Variants in CDH23 observed in about 807,000 individuals in gnomAD.
CDH23 encodes the protein cadherin related 23.
A neutral mutation model predicts 317.1 loss-of-function variants in CDH23; 189 were observed. The ratio of observed to expected loss-of-function variants is 0.60; its 90% CI spans 0.53 to 0.67. CDH23 has a LOEUF of 0.67. Ranked by LOEUF, CDH23 falls within the 30% of genes least tolerant of loss-of-function variation. The probability of loss-of-function intolerance (pLI) is 0.00; values close to 1 mark genes in which losing one functional copy is unlikely to be tolerated. For missense variants in CDH23, 4,401 were observed against 4,592.4 expected (o/e 0.96, Z 1.20); for synonymous variants, 1,839 against 1,876.8 (o/e 0.98, Z 0.52).
At chr10:71,708,191 G>A (rs1333859230) in intron 26 of CDH23, among the ~76,000 whole-genome samples, 1 of 152,182 alleles carries the variant, frequency 6.6e-6, no homozygotes, top group East Asian at 1.9e-4. Flanking sequence ...AGGTTTGGGG[G>A]TCAGGAGGCT....
chr10:71,792,820 T>TAAAAAAAA (rs1158593304), intron 47 of CDH23, among the ~76,000 whole-genome samples: 1 of 47,924 alleles, frequency 2.1e-5, no homozygotes, highest in Non-Finnish European at 3.6e-5. Flanking sequence ...AGACTCCATC[T>TAAAAAAAA]AAAAAAAAAA....
intron 3 of CDH23, among the ~76,000 whole-genome samples, chr10:71,478,457 C>A (rs1214603092): frequency 2.0e-5 from 3 of 152,236 alleles, no homozygotes; most frequent in African/African-American, 7.2e-5. Flanking sequence ...TCCTGCACTG[C>A]CATGGCCCCT....
At chr10:71,593,309 C>G (rs150006884) in intron 9 of CDH23, among the ~76,000 whole-genome samples, 108 of 152,274 alleles carry the variant, frequency 7.1e-4, no homozygotes, top group African/African-American at 2.5e-3. Flanking sequence ...CCCTACCATA[C>G]ACCATATACC....
chr10:71,577,823 C>A, intron 8 of CDH23, 91 bp from the exon 9 acceptor site: 1 of 1,129,350 alleles, frequency 8.9e-7, no homozygotes, highest in Non-Finnish European at 1.3e-6. Flanking sequence ...CAGGATCAGC[C>A]TGGGGAGGGA....
At chr10:71,629,851 C>T (rs1413442678) in intron 11 of CDH23, among the ~76,000 whole-genome samples, 1 of 151,950 alleles carries the variant, frequency 6.6e-6, no homozygotes, top group East Asian at 1.9e-4. Context: ...TTAATGGGCA[C>T]AAAGCTTCAT....
intron 3 of CDH23, among the ~76,000 whole-genome samples, chr10:71,454,472 G>A (rs1388584848): frequency 6.6e-6 from 1 of 152,200 alleles, no homozygotes; most frequent in Admixed American, 6.5e-5. Flanking sequence ...GGCTGCTGGA[G>A]GCTCTTGGAA....
intron 14 of CDH23, among the ~76,000 whole-genome samples, chr10:71,670,013 T>A (rs1350627049): frequency 2.0e-5 from 3 of 151,860 alleles, no homozygotes; most frequent in East Asian, 1.9e-4. Flanking sequence ...AAAAAAAATT[T>A]ACTAAATATG....
rs536362221 is a variant in CDH23, at chr10:71,532,692, C to A, written c.429+21480C>A. Among the ~76,000 whole-genome samples, 11 of 146,132 alleles carry A rather than the reference C, an allele frequency of 7.5e-5. No individual in the cohort carries two copies. The East Asian group carries it at 2.2e-3, about 29-fold the overall frequency. ...TGAGTAGGATTAAGTTTGATGTTGG[C>A]AAGTTTTCTTTTGTTTTTGTTTTTT... is the stretch of plus-strand genomic sequence containing the variant. On this transcript the variant is annotated intron_variant, in intron 6 of 69. Coordinates refer to ENST00000224721, the MANE Select transcript of CDH23 (RefSeq NM_022124.6).
chr10:71,540,930 C>A (rs1411660650), intron 6 of CDH23, among the ~76,000 whole-genome samples: 1 of 151,942 alleles, frequency 6.6e-6, no homozygotes, highest in Non-Finnish European at 1.5e-5. Context: ...CCAGTTTCCA[C>A]CCCAAAGTCT....
intron 1 of CDH23, among the ~76,000 whole-genome samples, chr10:71,399,543 GTGTT>G (rs1439291823): frequency 6.6e-6 from 1 of 152,218 alleles, no homozygotes; most frequent in African/African-American, 2.4e-5. Flanking sequence ...TGCCACAAGA[GTGTT>G]TGTGTTTTAG....
At chr10:71,616,220 G>T (rs550320454) in intron 10 of CDH23, among the ~76,000 whole-genome samples, 1 of 152,222 alleles carries the variant, frequency 6.6e-6, no homozygotes, top group East Asian at 1.9e-4. Flanking sequence ...TCTGAGCCAC[G>T]GGGGGTCTTC....
intron 3 of CDH23, among the ~76,000 whole-genome samples, chr10:71,496,634 G>A (rs1852987806): frequency 6.6e-6 from 1 of 152,236 alleles, no homozygotes. Flanking sequence ...GACAAGTGTG[G>A]GAACTGCTGA....
At chr10:71,795,173 C>T (rs1841365474) in intron 48 of CDH23, among the ~76,000 whole-genome samples, 1 of 151,934 alleles carries the variant, frequency 6.6e-6, no homozygotes, top group South Asian at 2.1e-4. Flanking sequence ...ACAATGACTG[C>T]CTGAGGGGAG....
At chr10:71,691,490 CG>C (rs1171076182) in intron 20 of CDH23, among the ~76,000 whole-genome samples, 1 of 152,116 alleles carries the variant, frequency 6.6e-6, no homozygotes, top group Non-Finnish European at 1.5e-5. Flanking sequence ...AAGGAACTGT[CG>C]ATGCTAAACA....
intron 14 of CDH23, among the ~76,000 whole-genome samples, chr10:71,651,482 G>A (rs1004228012): frequency 6.6e-6 from 1 of 150,512 alleles, no homozygotes; most frequent in Non-Finnish European, 1.5e-5. Context: ...TCAGTGAGCC[G>A]TGATCCACTG....
At position 71,778,184 on chromosome 10, in the gene CDH23, C is replaced by T. The variant is rs1840862252; in HGVS notation, c.5068-5C>T. 1 of 1,613,860 alleles carries T rather than the reference C, an allele frequency of 6.2e-7. No individual in the cohort carries two copies. The highest frequency in any genetic ancestry group is 8.5e-7 in the Non-Finnish European group (1 of 1,179,864). On this transcript the variant is annotated splice_region_variant and splice_polypyrimidine_tract_variant and intron_variant, in intron 39 of 69. Coordinates refer to ENST00000224721, the MANE Select transcript of CDH23 (RefSeq NM_022124.6). Reference sequence around the variant, plus strand: ...CCATCCTTGTCCCTTCCCTGTGTCCCCCAGGGTGTCATCACTGCTGCCAAA... The same window carrying T: ...CCATCCTTGTCCCTTCCCTGTGTCCTCCAGGGTGTCATCACTGCTGCCAAA...
At position 71,675,099 on chromosome 10, in the gene CDH23, C is replaced by G; in HGVS notation, c.1450-13C>G. 6.2e-7 allele frequency: 1 copy of G among 1,613,406 alleles called. No individual in the cohort carries two copies. Among genetic ancestry groups the G allele is most frequent in the Non-Finnish European group, 8.5e-7 (1 of 1,179,380 alleles). On this transcript the variant is annotated splice_polypyrimidine_tract_variant and intron_variant, in intron 14 of 69. Transcript: ENST00000224721. ...GGCCTGGCAGTAATGACTTCTTGTT[C>G]TCGCTGTTGCAGGCAACTGACAATG...
Position 71,815,386 on chromosome 10 carries a change from T to G in CDH23, c.*108T>G. 1 of 1,113,512 alleles carries G rather than the reference T, an allele frequency of 9.0e-7. No individual in the cohort carries two copies. The highest frequency in any genetic ancestry group is 1.2e-6 in the Non-Finnish European group (1 of 805,042). 69.0% of individuals were successfully genotyped at this position (1,113,512 alleles called of 1,614,324 possible). On this transcript the variant is annotated 3_prime_UTR_variant, in exon 70 of 70. Transcript: ENST00000224721. ...GGGGGGGACCCTCCAAGGCCAGGCCTTGGGGACAACCTTGGCTTGGCCCTG... is the reference window on the plus strand; with the variant it reads ...GGGGGGGACCCTCCAAGGCCAGGCCGTGGGGACAACCTTGGCTTGGCCCTG...
intron 1 of CDH23, among the ~76,000 whole-genome samples, chr10:71,426,134 G>T (rs1428467324): frequency 6.6e-6 from 1 of 152,184 alleles, no homozygotes; most frequent in Admixed American, 6.5e-5. Flanking sequence ...TGAACAGGCG[G>T]ACACTAGGAG....
Sources: gnomAD v4.1 joint callset for allele counts (sites outside exome capture counted in the v4.1 genomes callset) on GRCh38, gnomAD v4.1.1 for gene constraint, MANE v1.5 for transcripts, NCBI Gene and HGNC (gene_info 2026-07-23, HGNC 2026-07-21) for gene names.